ZDHHC14: variants seen among roughly 807,000 people sequenced by gnomAD.
ZDHHC14 encodes the protein palmitoyltransferase ZDHHC14.
In ZDHHC14, 16 loss-of-function variants were observed where a neutral mutation model predicts 47.7. That is an observed-to-expected ratio of 0.34 (90% CI 0.23 to 0.51). The LOEUF is 0.51. Ranked by LOEUF, ZDHHC14 falls within the 20% of genes least tolerant of loss-of-function variation. The pLI is 0.97. For missense variants in ZDHHC14, 515 were observed against 662.5 expected (o/e 0.78, Z 2.44); for synonymous variants, 293 against 278.9 (o/e 1.05, Z -0.50).
chr6:157,521,765 G>A lies in ZDHHC14; in HGVS notation c.246-20820G>A, dbSNP rs1582881658. Among the ~76,000 whole-genome samples the A allele has an allele frequency of 2.0e-5, 3 of 152,348 alleles. No homozygotes were observed. In the Middle Eastern group the frequency reaches 0.01, roughly 518 times the overall value. ...AGGCTATGACATGGTTTCCTGGCAA[G>A]GGGGAATTCAGCAGTGACAGGGCAG... On this transcript the variant is annotated intron_variant, in intron 1 of 8. Coordinates refer to ENST00000359775, the MANE Select transcript of ZDHHC14 (RefSeq NM_024630.3).
At chr6:157,487,796 T>G (rs965477522) in intron 1 of ZDHHC14, among the ~76,000 whole-genome samples, 1 of 152,150 alleles carries the variant, frequency 6.6e-6, no homozygotes, top group African/African-American at 2.4e-5. Context: ...ACTGGCAGCC[T>G]CGGCAGCCTC....
At chr6:157,403,806 C>T (rs901713777) in intron 1 of ZDHHC14, among the ~76,000 whole-genome samples, 1 of 152,262 alleles carries the variant, frequency 6.6e-6, no homozygotes, top group Non-Finnish European at 1.5e-5. Flanking sequence ...CCACCGGTGT[C>T]AGGAAGCGTG....
At chr6:157,576,168 C>G (rs35497494) in intron 2 of ZDHHC14, among the ~76,000 whole-genome samples, 10,607 of 152,256 alleles carry the variant, frequency 0.07, 475 homozygotes, top group African/African-American at 0.12. Flanking sequence ...TTAAGACAAA[C>G]GGACATACTA....
chr6:157,647,464 C>T, intron 7 of ZDHHC14, 96 bp downstream of exon 7: 3 of 852,498 alleles, frequency 3.5e-6, no homozygotes, highest in Non-Finnish European at 5.5e-6. Context: ...GAATGGGTCG[C>T]CGCCACCACG....
intron 1 of ZDHHC14, among the ~76,000 whole-genome samples, chr6:157,520,386 TCCTG>T (rs1024294468): frequency 2.9e-4 from 44 of 152,350 alleles, no homozygotes; most frequent in African/African-American, 9.6e-4. Flanking sequence ...AGAAATGGTT[TCCTG>T]ACTATCTCAT....
intron 1 of ZDHHC14, among the ~76,000 whole-genome samples, chr6:157,400,626 A>T (rs1251182145): frequency 6.6e-6 from 1 of 152,048 alleles, no homozygotes. Context: ...ACTACTCCAT[A>T]CCCCAGTCCC....
chr6:157,426,129 A>T (rs1440167617), intron 1 of ZDHHC14, among the ~76,000 whole-genome samples: 1 of 152,158 alleles, frequency 6.6e-6, no homozygotes, highest in Non-Finnish European at 1.5e-5. Flanking sequence ...GGAGGCGGTC[A>T]TGCTGCTCAC....
intron 1 of ZDHHC14, among the ~76,000 whole-genome samples, chr6:157,486,786 C>T (rs981723357): frequency 2.6e-5 from 4 of 152,100 alleles, no homozygotes; most frequent in East Asian, 1.9e-4. Flanking sequence ...GCAGGGCAGG[C>T]GTGGCAAGGA....
chr6:157,416,615 C>T (rs1481378031), intron 1 of ZDHHC14, among the ~76,000 whole-genome samples: 2 of 97,226 alleles, frequency 2.1e-5, no homozygotes, highest in South Asian at 3.4e-4. Context: ...ATGTAGTGAG[C>T]CATGATTGTG....
In ZDHHC14 at chr6:157,597,673, G is replaced by A. The variant is rs113699461; in HGVS notation, c.565+4527G>A. ...CTGGGTCCCAGCCCTGCTGTCCTGT[G>A]TGGGCACTGGGACTGTCTCTGCACC... On this transcript the variant is annotated intron_variant, in intron 3 of 8. Coordinates refer to ENST00000359775, the MANE Select transcript of ZDHHC14 (RefSeq NM_024630.3). Among the ~76,000 whole-genome samples, 544 of 152,360 alleles carry A rather than the reference G, an allele frequency of 3.6e-3. 7 individuals carry two copies. The highest frequency in any genetic ancestry group is 0.012 in the African/African-American group (511 of 41,594).
intron 8 of ZDHHC14, 113 bp downstream of exon 8, chr6:157,653,740 C>A: frequency 1.0e-6 from 1 of 968,112 alleles, no homozygotes; most frequent in Non-Finnish European, 1.6e-6. Flanking sequence ...GGGCAGCCCA[C>A]AGCCGCCCAC....
At chr6:157,434,908 T>C (rs9364497) in intron 1 of ZDHHC14, among the ~76,000 whole-genome samples, 36,660 of 152,130 alleles carry the variant, frequency 0.24, 4,702 homozygotes, top group African/African-American at 0.33. Flanking sequence ...AGAGAGGGGA[T>C]CTGCTCAGGG....
At chr6:157,622,131 G>A (rs866455698) in intron 3 of ZDHHC14, among the ~76,000 whole-genome samples, 1 of 151,024 alleles carries the variant, frequency 6.6e-6, no homozygotes, top group Middle Eastern at 3.4e-3. Flanking sequence ...AGCACTTTGG[G>A]AGGCTGAGGC....
At chr6:157,453,363 A>G (rs1324856672) in intron 1 of ZDHHC14, among the ~76,000 whole-genome samples, 1 of 152,252 alleles carries the variant, frequency 6.6e-6, no homozygotes, top group Non-Finnish European at 1.5e-5. Flanking sequence ...CAGATACTGC[A>G]CAATAAGGCT....
intron 1 of ZDHHC14, among the ~76,000 whole-genome samples, chr6:157,515,768 C>G (rs142022722): frequency 0.013 from 1,968 of 152,086 alleles, 42 homozygotes; most frequent in African/African-American, 0.046. Flanking sequence ...CCCGGCCCAC[C>G]CTTCATTTCT....
At chr6:157,424,984 A>G (rs919546251) in intron 1 of ZDHHC14, among the ~76,000 whole-genome samples, 5 of 152,152 alleles carry the variant, frequency 3.3e-5, no homozygotes, top group African/African-American at 7.2e-5. Context: ...GGAGCTTTTC[A>G]TATAAACTCC....
At chr6:157,562,758 T>A (rs1241886193) in intron 2 of ZDHHC14, among the ~76,000 whole-genome samples, 1 of 152,062 alleles carries the variant, frequency 6.6e-6, no homozygotes, top group Non-Finnish European at 1.5e-5. Context: ...TATCCTCACA[T>A]ATATAGGGAG....
chr6:157,556,983 C>T (rs1002746697), intron 2 of ZDHHC14, among the ~76,000 whole-genome samples: 1 of 152,120 alleles, frequency 6.6e-6, no homozygotes, highest in African/African-American at 2.4e-5. Context: ...GGGATCCCTC[C>T]AAGAGACACT....
At chr6:157,662,064 T>C (rs556636808) in intron 8 of ZDHHC14, among the ~76,000 whole-genome samples, 1 of 152,318 alleles carries the variant, frequency 6.6e-6, no homozygotes, top group South Asian at 2.1e-4. Flanking sequence ...GGAAGAGTTA[T>C]TGTCCCCAGA....
Sources: allele counts gnomAD v4.1 joint callset (sites outside exome capture counted in the v4.1 genomes callset), GRCh38; gene constraint gnomAD v4.1.1; transcripts MANE v1.5; gene names NCBI Gene and HGNC (gene_info 2026-07-23, HGNC 2026-07-21).